The following DNTT variants were observed in gnomAD, a reference collection of about 807,000 sequenced individuals.
DNTT encodes DNA nucleotidylexotransferase.
Under a neutral mutation model 60.9 loss-of-function variants are expected in DNTT, and 47 were observed. The ratio of observed to expected loss-of-function variants is 0.77; its 90% confidence interval spans 0.61 to 0.98. The LOEUF (loss-of-function observed/expected upper bound fraction) is 0.98. DNTT is among the 50% of genes least tolerant of loss of function. The probability of loss-of-function intolerance (pLI) is 0.00; values close to 1 mark genes in which losing one functional copy is unlikely to be tolerated. For synonymous variants in DNTT, 224 were observed against 221.2 expected (o/e 1.01, Z -0.11); for missense variants, 665 against 627.5 (o/e 1.06, Z -0.64).
At chr10:96,310,263 C>G (rs1247664292) in intron 1 of DNTT, among the ~76,000 whole-genome samples, 4 of 152,240 alleles carry the variant, frequency 2.6e-5, no homozygotes, top group Non-Finnish European at 5.9e-5. Context: ...AACCATCCTT[C>G]CCACTTTAAC....
At chr10:96,321,383 G>A (rs1844875099) in intron 4 of DNTT, among the ~76,000 whole-genome samples, 2 of 152,098 alleles carry the variant, frequency 1.3e-5, no homozygotes, top group Admixed American at 1.3e-4. Flanking sequence ...CCACCCGCAT[G>A]CACAGTGCCC....
intron 9 of DNTT, 70 bp downstream of exon 9, chr10:96,332,666 CA>C: frequency 6.4e-7 from 1 of 1,573,142 alleles, no homozygotes; most frequent in Non-Finnish European, 8.6e-7. Context: ...TACCTGGGCC[CA>C]GGGGAGAGAT....
chr10:96,332,764 T>C (rs1286978197), intron 9 of DNTT, among the ~76,000 whole-genome samples, 168 bp downstream of exon 9: 1 of 152,156 alleles, frequency 6.6e-6, no homozygotes, highest in Non-Finnish European at 1.5e-5. Context: ...TGGCCAAGTA[T>C]GACAGATTAA....
At chr10:96,314,943 T>C (rs1733637324) in intron 1 of DNTT, among the ~76,000 whole-genome samples, 1 of 152,150 alleles carries the variant, frequency 6.6e-6, no homozygotes, top group Non-Finnish European at 1.5e-5. Context: ...CAGAGCACAC[T>C]AGAGGCCATG....
chr10:96,324,846 G>A (rs540507801), intron 6 of DNTT, among the ~76,000 whole-genome samples: 122 of 152,324 alleles, frequency 8.0e-4, no homozygotes, highest in African/African-American at 2.8e-3. Flanking sequence ...AGGGTTGGCT[G>A]CTAAGAATAC....
At chr10:96,315,935 T>C (rs975804312) in intron 1 of DNTT, among the ~76,000 whole-genome samples, 2 of 152,138 alleles carry the variant, frequency 1.3e-5, no homozygotes, top group African/African-American at 4.8e-5. Flanking sequence ...CTTCCTTTAA[T>C]TCTTGTAGAA....
Position 96,319,290 on chromosome 10 carries a change from A to C in DNTT, c.407A>C (p.Asn136Thr). The change falls in exon 3 of 11, where the codon AAC (asparagine) becomes ACC (threonine). Residue 136 changes from asparagine (N) to threonine (T), a missense_variant. Asn to Thr is a moderately conservative substitution (Grantham distance 65). Transcript: ENST00000371174. ...AGAAGAGACTATTCAGATAGCACCAACCCAGGCCCCCCGAAGACTCCACCA... is the reference window on the plus strand; with the variant it reads ...AGAAGAGACTATTCAGATAGCACCACCCCAGGCCCCCCGAAGACTCCACCA... ...VVRRDYSDST[N>T]PGPPKTPPIA... is the part of the protein sequence containing the mutation. 1 of 1,613,818 alleles carries C rather than the reference A, an allele frequency of 6.2e-7. No homozygotes were observed. The highest frequency in any genetic ancestry group is 8.5e-7 in the Non-Finnish European group (1 of 1,179,786).
intron 6 of DNTT, 50 bp from the exon 7 acceptor site, chr10:96,327,418 G>C: frequency 6.2e-7 from 1 of 1,613,762 alleles, no homozygotes; most frequent in Non-Finnish European, 8.5e-7. Context: ...AGGGCTGGTT[G>C]TTTCACACAC....
intron 1 of DNTT, among the ~76,000 whole-genome samples, chr10:96,313,179 G>T (rs373157537): frequency 2.6e-5 from 4 of 152,194 alleles, no homozygotes; most frequent in Non-Finnish European, 4.4e-5. Flanking sequence ...TCATGGCCAA[G>T]AAATTAGGAG....
chr10:96,309,065 T>C (rs1043513524), intron 1 of DNTT, among the ~76,000 whole-genome samples: 1 of 152,190 alleles, frequency 6.6e-6, no homozygotes, highest in Non-Finnish European at 1.5e-5. Context: ...TCATTGATGC[T>C]GAGGAAGAAA....
chr10:96,311,206 G>C (rs779614568), intron 1 of DNTT, among the ~76,000 whole-genome samples: 1 of 152,180 alleles, frequency 6.6e-6, no homozygotes, highest in African/African-American at 2.4e-5. Context: ...TGGTAGAAGG[G>C]TTTTTAAACT....
Position 96,317,451 on chromosome 10 carries a change from G to C in DNTT, c.204-901G>C, listed in dbSNP as rs532097187. ...TGTAAATCAAAATTTCTTGAAGGCT[G>C]GTTATAAATAATTAATTTATTGTTA... On this transcript the variant is annotated intron_variant, in intron 1 of 10. Transcript: ENST00000371174. 4.6e-5 allele frequency among the ~76,000 whole-genome samples: 7 copies of C among 152,236 alleles called. No individual in the cohort carries two copies. In the South Asian group the frequency reaches 1.5e-3, roughly 32 times the overall value.
intron 9 of DNTT, among the ~76,000 whole-genome samples, chr10:96,332,797 T>C (rs983612286): frequency 2.6e-5 from 4 of 152,198 alleles, no homozygotes; most frequent in Non-Finnish European, 5.9e-5. Flanking sequence ...ATTCCCAGTG[T>C]GTGGTCCCCA....
At chr10:96,327,320 G>A in intron 6 of DNTT, 148 bp from the exon 7 acceptor site, 1 of 1,205,424 alleles carries the variant, frequency 8.3e-7, no homozygotes, top group Non-Finnish European at 1.2e-6. Flanking sequence ...GAACCACATG[G>A]ACTATTCTGT....
intron 3 of DNTT, 97 bp from the exon 4 acceptor site, chr10:96,320,521 A>G: frequency 4.3e-6 from 6 of 1,388,284 alleles, no homozygotes; most frequent in Non-Finnish European, 6.0e-6. Flanking sequence ...CGCAAGTGGT[A>G]TTCCAATATT....
intron 1 of DNTT, among the ~76,000 whole-genome samples, chr10:96,309,142 C>A (rs1444673000): frequency 6.6e-6 from 1 of 152,188 alleles, no homozygotes; most frequent in African/African-American, 2.4e-5. Context: ...TTGCCAAGTT[C>A]CATTGTTCAA....
intron 7 of DNTT, 67 bp downstream of exon 7, chr10:96,327,667 C>T: frequency 6.4e-7 from 1 of 1,551,120 alleles, no homozygotes; most frequent in South Asian, 1.3e-5. Flanking sequence ...CTTGGACAGG[C>T]ATCTGAAACG....
At chr10:96,324,606 A>G (rs576470681) in intron 6 of DNTT, among the ~76,000 whole-genome samples, 1 of 152,346 alleles carries the variant, frequency 6.6e-6, no homozygotes, top group South Asian at 2.1e-4. Context: ...TAATCTATGA[A>G]AGAGAGATAA....
At chr10:96,311,397 A>G (rs935950602) in intron 1 of DNTT, among the ~76,000 whole-genome samples, 1 of 152,206 alleles carries the variant, frequency 6.6e-6, no homozygotes, top group Admixed American at 6.5e-5. Context: ...GGCAAATAAA[A>G]ATAGCTGCCA....
Sources: allele counts gnomAD v4.1 joint callset (sites outside exome capture counted in the v4.1 genomes callset), GRCh38; gene constraint gnomAD v4.1.1; transcripts MANE v1.5; gene names NCBI Gene and HGNC (gene_info 2026-07-23, HGNC 2026-07-21).